Variants in ERCC6 observed in about 807,000 individuals in gnomAD.
The protein encoded by ERCC6 is DNA excision repair protein ERCC-6.
ERCC6 carries 116 observed loss-of-function variants against 158.7 expected under a neutral mutation model. That is an observed-to-expected ratio of 0.73 (90% CI 0.63 to 0.85). The LOEUF (loss-of-function observed/expected upper bound fraction) is 0.85, where lower values mean the gene tolerates loss of function less well. Among genes scored for constraint, ERCC6 ranks in the 40% least tolerant of loss-of-function variants. The pLI, the probability that ERCC6 is intolerant of heterozygous loss-of-function variation, is 0.00. For synonymous variants in ERCC6, 678 were observed against 659.3 expected, an observed-to-expected ratio of 1.03 and a Z score of -0.43; for missense variants, 1,698 against 1,799.4, an observed-to-expected ratio of 0.94 and a Z score of 1.02.
intron 8 of ERCC6, among the ~76,000 whole-genome samples, chr10:49,491,945 C>T (rs1456724033): frequency 6.6e-6 from 1 of 152,194 alleles, no homozygotes; most frequent in Non-Finnish European, 1.5e-5. Context: ...TTTGACTAGA[C>T]AACAATCTAT....
At chr10:49,435,263 G>A in the ERCC6 span, among the ~76,000 whole-genome samples, 1 of 152,092 alleles carries the variant, frequency 6.6e-6, no homozygotes, top group Non-Finnish European at 1.5e-5. Context: ...ATATAATAAT[G>A]GAAAAGTTCA....
intron 8 of ERCC6, chr10:49,488,250 A>G: frequency 5.0e-6 from 1 of 198,882 alleles, no homozygotes; most frequent in South Asian, 1.1e-4. Flanking sequence ...GAGGGCAAAC[A>G]GTGGACTGGT....
At chr10:49,518,251 T>A (rs1837045313) in intron 5 of ERCC6, among the ~76,000 whole-genome samples, 1 of 152,176 alleles carries the variant, frequency 6.6e-6, no homozygotes, top group Non-Finnish European at 1.5e-5. Context: ...TGGGTTGGAG[T>A]TGGCCCCCAT....
chr10:49,524,971 C>T, intron 4 of ERCC6, 194 bp from the exon 5 acceptor site: 2 of 1,385,718 alleles, frequency 1.4e-6, no homozygotes, highest in Non-Finnish European at 1.9e-6. Flanking sequence ...TAATATATTC[C>T]TGTTCAAAAA....
In ERCC6 at chr10:49,524,660, T is replaced by G; in HGVS notation, c.770A>C (p.Glu257Ala). 6.2e-7 allele frequency: 1 copy of G among 1,614,034 alleles called. No individual in the cohort carries two copies. Among genetic ancestry groups the G allele is most frequent in the Non-Finnish European group, 8.5e-7 (1 of 1,180,040 alleles). The stretch of plus-strand genomic sequence containing the variant: ...AAGCATGATTTTTCTGGGCTTTTTC[T>G]CCTGTTTCTGAGGGATCTGGGTACC... ...PFGTQIPQKQEKKPRKIMLNE... is the reference protein window; with the variant it reads ...PFGTQIPQKQAKKPRKIMLNE... The change falls in exon 5 of 21, where the codon GAG (glutamate) becomes GCG (alanine). Residue 257 changes from glutamate to alanine, a missense_variant. By Grantham distance (107) the Glu-to-Ala change is moderately radical (BLOSUM62 -1). Coordinates refer to ENST00000355832, the MANE Select transcript of ERCC6 (RefSeq NM_000124.4).
the ERCC6 span, among the ~76,000 whole-genome samples, chr10:49,440,622 A>G: frequency 6.6e-6 from 1 of 152,250 alleles, no homozygotes; most frequent in Non-Finnish European, 1.5e-5. Flanking sequence ...ATATCTTGGT[A>G]ACTGTTAAAC....
At chr10:49,516,812 T>C in intron 5 of ERCC6, 4 of 1,614,180 alleles carry the variant, frequency 2.5e-6, no homozygotes, top group South Asian at 1.1e-5. Context: ...TCCTCCTTGA[T>C]GGTGGAGGTT....
At chr10:49,476,687 C>T (rs989129838) in intron 11 of ERCC6, among the ~76,000 whole-genome samples, 2 of 152,148 alleles carry the variant, frequency 1.3e-5, no homozygotes, top group Non-Finnish European at 2.9e-5. Flanking sequence ...ACCACAACCT[C>T]ACCTGGAGCT....
intron 9 of ERCC6, 32 bp downstream of exon 9, chr10:49,483,314 T>G (rs4253162): frequency 6.2e-7 from 1 of 1,608,064 alleles, no homozygotes; most frequent in African/African-American, 1.3e-5. Flanking sequence ...TCTTCTCCAC[T>G]TGGAAATCTC....
intron 8 of ERCC6, among the ~76,000 whole-genome samples, chr10:49,489,525 A>T (rs183022068): frequency 6.6e-6 from 1 of 152,334 alleles, no homozygotes; most frequent in East Asian, 1.9e-4. Flanking sequence ...CTGGTCTTGT[A>T]AGCACAAAAC....
At chr10:49,500,753 A>T in intron 6 of ERCC6, 57 bp from the exon 7 acceptor site, 1 of 1,579,652 alleles carries the variant, frequency 6.3e-7, no homozygotes, top group Non-Finnish European at 8.7e-7. Context: ...GATAATACAG[A>T]TCATAACAGA....
At chr10:49,462,190 T>C (rs767433676) in intron 18 of ERCC6, among the ~76,000 whole-genome samples, 1 of 152,078 alleles carries the variant, frequency 6.6e-6, no homozygotes, top group Non-Finnish European at 1.5e-5. Flanking sequence ...CAACAGGAGA[T>C]TGACCAGAAA....
chr10:49,495,540 T>C (rs1313996060), intron 7 of ERCC6, among the ~76,000 whole-genome samples: 1 of 152,102 alleles, frequency 6.6e-6, no homozygotes, highest in African/African-American at 2.4e-5. Flanking sequence ...CCAGCCCAGA[T>C]CACTCTTCTG....
chr10:49,522,335 C>A (rs1390056584), intron 5 of ERCC6, among the ~76,000 whole-genome samples: 1 of 152,188 alleles, frequency 6.6e-6, no homozygotes, highest in Non-Finnish European at 1.5e-5. Context: ...CCAAACCAAA[C>A]AGCACCAAAG....
At chr10:49,526,563 G>C (rs113374745) in intron 4 of ERCC6, among the ~76,000 whole-genome samples, 2 of 152,004 alleles carry the variant, frequency 1.3e-5, no homozygotes, top group Non-Finnish European at 2.9e-5. Flanking sequence ...AGAAGTTCTT[G>C]GTTTTATATA....
At chr10:49,523,925 G>A (rs1312779673) in intron 5 of ERCC6, 108 bp downstream of exon 5, 25 of 1,486,880 alleles carry the variant, frequency 1.7e-5, no homozygotes, top group Admixed American at 3.6e-5. Flanking sequence ...CTGTATAATC[G>A]GGGGGGTCTA....
At chr10:49,482,044 C>G (rs992634631) in intron 10 of ERCC6, among the ~76,000 whole-genome samples, 1 of 152,196 alleles carries the variant, frequency 6.6e-6, no homozygotes, top group African/African-American at 2.4e-5. Context: ...TTTCAAGGCC[C>G]CACAGTTCTA....
chr10:49,462,245 AGGC>A (rs1483064205), intron 18 of ERCC6, among the ~76,000 whole-genome samples: 1 of 152,214 alleles, frequency 6.6e-6, no homozygotes. Context: ...TACATGATAA[AGGC>A]ATCTCTAATC....
chr10:49,519,216 C>T (rs1208346447), intron 5 of ERCC6, among the ~76,000 whole-genome samples: 3 of 152,196 alleles, frequency 2.0e-5, no homozygotes, highest in East Asian at 3.9e-4. Context: ...GCACCTTCTA[C>T]TCAATCCCAC....
Sources: allele counts gnomAD v4.1 joint callset (sites outside exome capture counted in the v4.1 genomes callset), GRCh38; gene constraint gnomAD v4.1.1; transcripts MANE v1.5; gene names NCBI Gene and HGNC (gene_info 2026-07-23, HGNC 2026-07-21).